Variants in MYO16 observed in about 807,000 individuals in gnomAD.
MYO16 encodes the protein myosin XVI.
Under a neutral mutation model 205.3 loss-of-function variants are expected in MYO16, and 94 were observed. That is an observed-to-expected ratio of 0.46 (90% CI 0.39 to 0.54). The LOEUF is 0.54. Ranked by LOEUF, MYO16 falls within the 20% of genes least tolerant of loss-of-function variation. The pLI, the probability that MYO16 is intolerant of heterozygous loss-of-function variation, is 0.00. For synonymous variants in MYO16, 988 were observed against 954.0 expected, an observed-to-expected ratio of 1.04 and a Z score of -0.66; for missense variants, 2,315 against 2,387.5, an observed-to-expected ratio of 0.97 and a Z score of 0.63.
intron 4 of MYO16, among the ~76,000 whole-genome samples, chr13:108,755,177 T>G (rs775319716): frequency 1.3e-5 from 2 of 151,898 alleles, no homozygotes; most frequent in Non-Finnish European, 2.9e-5. Context: ...TGTGTTCTAG[T>G]AGAACTGCTG....
chr13:108,570,394 G>A, the MYO16 span, among the ~76,000 whole-genome samples: 3 of 152,176 alleles, frequency 2.0e-5, no homozygotes, highest in South Asian at 2.1e-4. Flanking sequence ...GACTACAAGT[G>A]TGCACCACCA....
chr13:108,597,544 C>T (rs1358120708), intron 1 of MYO16, among the ~76,000 whole-genome samples: 1 of 152,116 alleles, frequency 6.6e-6, no homozygotes, highest in Non-Finnish European at 1.5e-5. Flanking sequence ...AGTTTTTCTC[C>T]TGTCAGTCAC....
At chr13:108,578,148 T>G in the MYO16 span, among the ~76,000 whole-genome samples, 2 of 152,226 alleles carry the variant, frequency 1.3e-5, no homozygotes, top group African/African-American at 2.4e-5. Flanking sequence ...AAGGTAAGTA[T>G]TTGACTTCAT....
chr13:108,961,131 C>T (rs1883563220), intron 17 of MYO16, among the ~76,000 whole-genome samples: 1 of 152,094 alleles, frequency 6.6e-6, no homozygotes, highest in Non-Finnish European at 1.5e-5. Flanking sequence ...GCCACAGCAA[C>T]TGCAAAGTCT....
At chr13:108,907,329 G>A (rs184216615) in intron 15 of MYO16, among the ~76,000 whole-genome samples, 48 of 152,166 alleles carry the variant, frequency 3.2e-4, no homozygotes, top group Admixed American at 1.6e-3. Context: ...TGAATATATG[G>A]ACACTTGTAG....
rs7983634 is a variant in MYO16, at chr13:108,848,867, T to C, written c.1248+4374T>C. 7.9e-3 allele frequency among the ~76,000 whole-genome samples: 1,202 copies of C among 152,312 alleles called. 18 individuals are homozygous for C. The highest frequency in any genetic ancestry group is 0.025 in the African/African-American group (1,025 of 41,562). ...AGAATCACAAATGTTTCTTTTATTT[T>C]GTATCCAGTGCTCTTTTGGGGGCAC... On this transcript the variant is annotated intron_variant, in intron 10 of 34. Coordinates refer to ENST00000457511, the MANE Select transcript of MYO16 (RefSeq NM_001198950.3).
At chr13:109,098,401 G>GA (rs2139705622) in intron 27 of MYO16, among the ~76,000 whole-genome samples, 1 of 152,324 alleles carries the variant, frequency 6.6e-6, no homozygotes, top group East Asian at 1.9e-4. Context: ...GCCACTTGCA[G>GA]AAGCATTTTC....
intron 6 of MYO16, among the ~76,000 whole-genome samples, chr13:108,803,717 A>G (rs1237668903): frequency 6.6e-6 from 1 of 152,156 alleles, no homozygotes; most frequent in Non-Finnish European, 1.5e-5. Context: ...TTCATAGCTG[A>G]AAAACACTAA....
At position 108,879,774 on chromosome 13, in the gene MYO16, G is replaced by T. The variant is rs555718520; in HGVS notation, c.1426-3285G>T. 2.2e-3 allele frequency among the ~76,000 whole-genome samples: 340 copies of T among 152,232 alleles called. 2 individuals are homozygous for T. The highest frequency in any genetic ancestry group is 8.0e-3 in the African/African-American group (331 of 41,528). ...TTCAGTCTATCATTGATGGACATTT[G>T]GGTTGATTCCAAGTCTTTGCCATTG... On this transcript the variant is annotated intron_variant, in intron 12 of 34. Coordinates refer to ENST00000457511, the MANE Select transcript of MYO16 (RefSeq NM_001198950.3).
chr13:108,579,926 C>A, the MYO16 span, among the ~76,000 whole-genome samples: 7 of 151,984 alleles, frequency 4.6e-5, no homozygotes, highest in Non-Finnish European at 1.0e-4. Context: ...AAGTAAGAAA[C>A]CATTTGGAGT....
In MYO16 at chr13:109,141,269, G is replaced by A. The variant is rs1877079662; in HGVS notation, c.5057G>A (p.Ser1686Asn). 2 of 1,602,586 alleles carry A rather than the reference G, an allele frequency of 1.2e-6. No homozygotes were observed. The highest frequency in any genetic ancestry group is 1.7e-6 in the Non-Finnish European group (2 of 1,174,828). The change falls in exon 32 of 35, where the codon AGC becomes AAC. Residue 1686 changes from serine to asparagine, a missense_variant. This residue lies in a region of MYO16 where 1,097 missense variants were observed against 1,092.0 expected (regional missense o/e 1.00). Transcript: ENST00000457511. The surrounding 1 kb of genome is among the most constrained non-coding windows in gnomAD (Gnocchi z 4.1). ...ASPPAPYSPP[S>N]SRPLSSPLDE... The stretch of plus-strand genomic sequence containing the variant: ...CCCCCCGCGCCCTACAGCCCTCCCA[G>A]CTCCAGGCCTCTCAGCAGCCCCCTG...
intron 16 of MYO16, among the ~76,000 whole-genome samples, chr13:108,942,474 T>G (rs1038282918): frequency 1.3e-5 from 2 of 151,934 alleles, no homozygotes; most frequent in Non-Finnish European, 2.9e-5. Flanking sequence ...GTCAATTGTT[T>G]TTAGAACAGG....
At chr13:109,172,721 A>G (rs1878971269) in intron 33 of MYO16, among the ~76,000 whole-genome samples, 1 of 152,240 alleles carries the variant, frequency 6.6e-6, no homozygotes, top group African/African-American at 2.4e-5. Flanking sequence ...GCAGAAAGTT[A>G]ATACTCAAGA....
chr13:108,992,535 T>A, intron 21 of MYO16, 87 bp downstream of exon 21: 1 of 729,790 alleles, frequency 1.4e-6, no homozygotes, highest in South Asian at 1.9e-5. Flanking sequence ...ACAGTGTAAC[T>A]ACTTACAAAT....
chr13:108,778,697 C>T (rs976558898), intron 4 of MYO16, among the ~76,000 whole-genome samples: 6 of 152,136 alleles, frequency 3.9e-5, no homozygotes, highest in East Asian at 1.9e-4. Flanking sequence ...ACTAGTCCAT[C>T]GCAATTAACA....
intron 28 of MYO16, among the ~76,000 whole-genome samples, chr13:109,102,441 A>T: frequency 6.6e-6 from 1 of 152,184 alleles, no homozygotes; most frequent in South Asian, 2.1e-4. Flanking sequence ...GCTTTTAAAG[A>T]CTACTTACAG....
At chr13:109,193,155 G>A (rs957928703) in intron 34 of MYO16, among the ~76,000 whole-genome samples, 7 of 151,854 alleles carry the variant, frequency 4.6e-5, no homozygotes, top group Non-Finnish European at 8.8e-5. Context: ...CACACACACA[G>A]TGTATAGAGA....
chr13:109,100,434 G>T (rs554747841), intron 27 of MYO16, among the ~76,000 whole-genome samples: 38 of 152,254 alleles, frequency 2.5e-4, no homozygotes, highest in Non-Finnish European at 3.8e-4. Flanking sequence ...TTCTTAAGAG[G>T]TATGTTTTTA....
chr13:108,613,843 T>C (rs1268277456), intron 1 of MYO16, among the ~76,000 whole-genome samples: 1 of 152,116 alleles, frequency 6.6e-6, no homozygotes, highest in Non-Finnish European at 1.5e-5. Context: ...CTCCCTTTTA[T>C]GATAAAAACA....
Sources: allele counts gnomAD v4.1 joint callset (sites outside exome capture counted in the v4.1 genomes callset), GRCh38; gene constraint gnomAD v4.1.1; regional missense constraint gnomAD v4.1.1; non-coding constraint Gnocchi (gnomAD v3.1); transcripts MANE v1.5; gene names NCBI Gene and HGNC (gene_info 2026-07-23, HGNC 2026-07-21).